The following ZNF534 variants were observed in gnomAD, a reference collection of about 807,000 sequenced individuals.
ZNF534 encodes zinc finger protein 534.
Under a neutral mutation model 13.6 loss-of-function variants are expected in ZNF534, and 19 were observed. The ratio of observed to expected loss-of-function variants is 1.40; its 90% CI spans 0.97 to 2.05. The LOEUF (loss-of-function observed/expected upper bound fraction) is 2.05. Ranked by LOEUF, ZNF534 falls within the 30% of genes most tolerant of loss-of-function variation. The pLI is 0.00. For missense variants in ZNF534, 782 were observed against 796.3 expected (o/e 0.98, Z 0.22); for synonymous variants, 244 against 273.8 (o/e 0.89, Z 1.07).
At position 52,438,184 on chromosome 19, in the gene ZNF534, TACAAATATAA is replaced by T. The variant is rs752492425; in HGVS notation, c.725_734del (p.Tyr242LeufsTer74). ...ACGAATCCATACTGGAGAGAAGCCT[TACAAATATAA>T]TGAATGTGGCAAAGTCTTCAATCAG... is the stretch of plus-strand genomic sequence containing the variant. On this transcript the variant is annotated frameshift_variant, in exon 5 of 5. Transcript: ENST00000433050. LOFTEE classifies it low-confidence loss of function (END_TRUNC). 6.2e-7 allele frequency: 1 copy of T among 1,613,344 alleles called. No homozygotes were observed. The highest frequency in any genetic ancestry group is 2.2e-5 in the East Asian group (1 of 44,860).
rs755739351 is a variant in ZNF534 at position 52,450,684 on chromosome 19, TGTTTTTGTTTTTG to T, written c.272-502_272-490del. Among the ~76,000 whole-genome samples the T allele has an allele frequency of 3.7e-3, 219 of 59,604 alleles. 27 individuals are homozygous for T. Among genetic ancestry groups the T allele is most frequent in the Non-Finnish European group, 6.6e-3 (160 of 24,322 alleles). The allele number at this position is 59,604 out of a possible 152,430, so 39.1% of individuals were successfully genotyped here. On this transcript the variant is annotated intron_variant, in intron 4 of 4. Coordinates refer to the ZNF534 transcript ENST00000301085. ...GAATTTTAGGAGTTTTTTTTTTTTT[TGTTTTTGTTTTTG>T]TTTTTTTTTTTTAGACAAGGTCTCT... is the stretch of plus-strand genomic sequence containing the variant.
rs750351089 is a variant in ZNF534 at position 52,435,183 on chromosome 19, G to T, written c.245G>T (p.Arg82Met). 6.2e-7 allele frequency: 1 copy of T among 1,612,572 alleles called. No homozygotes were observed. The highest frequency in any genetic ancestry group is 1.7e-5 in the Admixed American group (1 of 59,912). Residue 82 changes from arginine (R) to methionine (M), a missense_variant, in exon 4 of 5, where the codon AGG becomes ATG. Physicochemically the swap from Arg to Met is moderately conservative, Grantham distance 91. Around this residue, in one of 5 missense-constraint regions of ZNF534, gnomAD observed 30 missense variants for 55.4 expected, o/e 0.54. Transcript: ENST00000433050. ...AAAATAATAAACAATCCAGATGGCA[G>T]GGAGTGCATCAAAGGTGTGAACACA... Reference protein sequence around the residue: ...EVKIINNPDGRECIKGVNTEK... With the variant: ...EVKIINNPDGMECIKGVNTEK...
chr19:52,451,404 G>T, exon 5 of ZNF534: 1 of 759,880 alleles, frequency 1.3e-6, no homozygotes. Context: ...GGACTCTCAG[G>T]GCCGGGCCCG....
chr19:52,439,164 T>C lies in ZNF534; in HGVS notation c.1704T>C (p.His568=), dbSNP rs1039166774. The change falls in exon 5 of 5, where the codon CAT becomes CAC. Residue 568 remains histidine (H), a synonymous_variant. Transcript: ENST00000433050. ...VFSRNSHLAR[H]RNIHTGEKPH... The stretch of plus-strand genomic sequence containing the variant: ...GTCGGAATTCACACCTTGCGCGACA[T>C]AGGAATATTCATACTGGAGAGAAGC... The C allele has an allele frequency of 6.5e-7, 1 of 1,547,600 alleles. No individual in the cohort carries two copies. The highest frequency in any genetic ancestry group is 1.4e-5 in the African/African-American group (1 of 72,242).
chr19:52,430,987 A>G (rs1382298611), intron 1 of ZNF534, among the ~76,000 whole-genome samples: 1 of 151,852 alleles, frequency 6.6e-6, no homozygotes, highest in Non-Finnish European at 1.5e-5. Flanking sequence ...AGTAGCTGGG[A>G]TTACAGGCCC....
chr19:52,443,147 G>T (rs1156526303), downstream of ZNF534, among the ~76,000 whole-genome samples: 1 of 152,154 alleles, frequency 6.6e-6, no homozygotes, highest in Non-Finnish European at 1.5e-5. Flanking sequence ...TTTTGAAATG[G>T]AAGAGAAAAC....
chr19:52,443,854 A>C (rs1486523668), downstream of ZNF534, among the ~76,000 whole-genome samples: 1 of 151,990 alleles, frequency 6.6e-6, no homozygotes, highest in Non-Finnish European at 1.5e-5. Flanking sequence ...CATTTCTGTA[A>C]GTGCATCCAT....
chr19:52,442,003 A>G lies in ZNF534; in HGVS notation c.*2557A>G, dbSNP rs142222135. ...AGGAGAAATCATATAAATGTAATGT[A>G]TGTGGCACAGGCTTTCCTGAGGCCT... On this transcript the variant is annotated 3_prime_UTR_variant, in exon 5 of 5. Transcript: ENST00000433050. Among the ~76,000 whole-genome samples the G allele has an allele frequency of 7.6e-4, 116 of 152,194 alleles. No individual in the cohort carries two copies. In the East Asian group the frequency reaches 0.014, roughly 18 times the overall value.
At chr19:52,433,088 C>G (rs67163329) in intron 2 of ZNF534, among the ~76,000 whole-genome samples, 1 of 151,376 alleles carries the variant, frequency 6.6e-6, no homozygotes, top group Non-Finnish European at 1.5e-5. Context: ...ACAAAACATA[C>G]AAAAATTAGC....
downstream of ZNF534, among the ~76,000 whole-genome samples, chr19:52,442,984 A>G (rs1408234808): frequency 6.6e-6 from 1 of 152,240 alleles, no homozygotes; most frequent in African/African-American, 2.4e-5. Flanking sequence ...AAAATAGAGC[A>G]TGCCATTAAA....
At position 52,439,054 on chromosome 19, in the gene ZNF534, C is replaced by T. The variant is rs777652588; in HGVS notation, c.1594C>T (p.Arg532Cys). Residue 532 changes from arginine (R) to cysteine (C), a missense_variant, in exon 5 of 5, where the codon CGT becomes TGT. Arg to Cys is a radical substitution (Grantham distance 180). Transcript: ENST00000433050. ...YSCNECGKVF[R>C]RNSHLVRHRN... ...TTGTAATGAATGTGGCAAGGTCTTC[C>T]GTCGGAATTCACACCTTGTGCGACA... 22 of 1,528,926 alleles carry T rather than the reference C, an allele frequency of 1.4e-5. No individual in the cohort carries two copies. In the East Asian group the frequency reaches 2.0e-4, roughly 14 times the overall value. The allele number at this position is 1,528,926 out of a possible 1,614,324, so 94.7% of individuals were successfully genotyped here. A position where few individuals can be genotyped will look rare whatever the true frequency, so the allele number is the denominator to read the frequency against.
chr19:52,435,326 T>C, intron 4 of ZNF534, 117 bp downstream of exon 4: 2 of 1,205,796 alleles, frequency 1.7e-6, no homozygotes, highest in South Asian at 4.0e-5. Context: ...AGCCTTAAAC[T>C]CCTGGACTTA....
rs184103679 is a variant in ZNF534 at position 52,432,792 on chromosome 19, C to G, written c.16-1163C>G. 7.8e-3 allele frequency among the ~76,000 whole-genome samples: 1,179 copies of G among 152,082 alleles called. 5 individuals carry two copies. Among genetic ancestry groups the G allele is most frequent in the Non-Finnish European group, 0.012 (835 of 67,990 alleles). ...GGATTACAGGTGCACACCTCCATGC[C>G]CAGCTCATTTTTTGTATTTAGTAGA... On this transcript the variant is annotated intron_variant, in intron 2 of 4. Coordinates refer to ENST00000433050, the MANE Select transcript of ZNF534 (RefSeq NM_001143938.3).
chr19:52,448,560 T>C (rs143235755), intron 4 of ZNF534, among the ~76,000 whole-genome samples: 210 of 152,222 alleles, frequency 1.4e-3, no homozygotes, highest in African/African-American at 4.6e-3. Context: ...TGAGACCTCA[T>C]CTCTACAAAA....
intron 4 of ZNF534, among the ~76,000 whole-genome samples, chr19:52,449,031 T>C (rs942420439): frequency 1.3e-5 from 2 of 152,168 alleles, no homozygotes; most frequent in African/African-American, 4.8e-5. Context: ...TCTCTGGTAA[T>C]GAGCATTCTA....
rs1171609910 is a variant in ZNF534 at position 52,442,494 on chromosome 19, A to T, written c.*3048A>T. 3.3e-5 allele frequency among the ~76,000 whole-genome samples: 5 copies of T among 152,214 alleles called. No homozygotes were observed. Among genetic ancestry groups the T allele is most frequent in the Non-Finnish European group, 7.3e-5 (5 of 68,044 alleles). On this transcript the variant is annotated 3_prime_UTR_variant, in exon 5 of 5. Transcript: ENST00000433050. ...TGCTCTCAATAAATATGTGGGTCAA[A>T]CTCTGTTCATGGCTCTCAGCTCTGA...
chr19:52,447,246 C>A (rs979940672), downstream of ZNF534, among the ~76,000 whole-genome samples: 1 of 152,184 alleles, frequency 6.6e-6, no homozygotes, highest in Non-Finnish European at 1.5e-5. Context: ...TAACCCAGAT[C>A]ATGTTGATCA....
At chr19:52,447,428 C>T (rs1421170823), downstream of ZNF534, among the ~76,000 whole-genome samples, 1 of 152,178 alleles carries the variant, frequency 6.6e-6, no homozygotes, top group Non-Finnish European at 1.5e-5. Flanking sequence ...ATACTTGTTT[C>T]ATTCTCAACC....
At chr19:52,447,282 A>G (rs2059197759), downstream of ZNF534, among the ~76,000 whole-genome samples, 1 of 152,218 alleles carries the variant, frequency 6.6e-6, no homozygotes, top group African/African-American at 2.4e-5. Context: ...TTGGGAGAAC[A>G]TTATTCATCC....
Sources: gnomAD v4.1 joint callset for allele counts (sites outside exome capture counted in the v4.1 genomes callset) on GRCh38, gnomAD v4.1.1 for gene constraint, gnomAD v4.1.1 regional missense constraint, MANE v1.5 for transcripts, NCBI Gene and HGNC (gene_info 2026-07-23, HGNC 2026-07-21) for gene names.